The following SIM1 variants were observed in gnomAD, a reference collection of about 807,000 sequenced individuals.
The protein encoded by SIM1 is SIM bHLH transcription factor 1, also known as single-minded homolog 1.
In SIM1, 18 loss-of-function variants were observed where a neutral mutation model predicts 78.2. That is an observed-to-expected ratio of 0.23 (90% confidence interval 0.16 to 0.34). The LOEUF (loss-of-function observed/expected upper bound fraction) is 0.34. SIM1 is among the 10% of genes least tolerant of loss of function. The probability of loss-of-function intolerance (pLI) is 1.00; values close to 1 mark genes in which losing one functional copy is unlikely to be tolerated. For synonymous variants in SIM1, 417 were observed against 385.2 expected (o/e 1.08, Z -0.97); for missense variants, 939 against 975.1 (o/e 0.96, Z 0.49).
At chr6:100,440,142 T>TAG (rs1772170501) in intron 9 of SIM1, among the ~76,000 whole-genome samples, 1 of 152,236 alleles carries the variant, frequency 6.6e-6, no homozygotes, top group Non-Finnish European at 1.5e-5. Context: ...AGGCACCTGC[T>TAG]TTCTGTCAGA....
chr6:100,441,689 T>C lies in SIM1; in HGVS notation c.998+5579A>G, dbSNP rs983579922. Among the ~76,000 whole-genome samples the C allele has an allele frequency of 2.6e-5, 4 of 152,214 alleles. No individual in the cohort carries two copies. The South Asian group carries it at 8.3e-4, about 31-fold the overall frequency. ...ATTTTCTTCTTACAAAATGAAAATG[T>C]CCTTAGTGAAACTTATGGGGAAAAA... On this transcript the variant is annotated intron_variant, in intron 9 of 11. Coordinates refer to ENST00000369208, the MANE Select transcript of SIM1 (RefSeq NM_005068.3).
chr6:100,394,145 A>C, intron 10 of SIM1: 3 of 370,760 alleles, frequency 8.1e-6, no homozygotes, highest in Admixed American at 4.6e-5. Flanking sequence ...AATGGCAACC[A>C]TCGACTGAAG....
rs1562229579 is a variant in SIM1 at position 100,390,685 on chromosome 6, ACTT to A, written c.1974_1976del (p.Ser660del). 2 of 1,614,018 alleles carry A rather than the reference ACTT, an allele frequency of 1.2e-6. No individual in the cohort carries two copies. On this transcript the variant is annotated inframe_deletion, in exon 12 of 12. Transcript: ENST00000369208. ...TTGAAATGCGATCCGAATTGGGACT[ACTT>A]ATCCGAGATAGTGCGGTGGGACTGT...
rs1270106344 is a variant in SIM1 at position 100,387,939 on chromosome 6, A to G, written c.*2422T>C. Reference sequence around the variant, plus strand: ...ATTTGGTAGAATATATAGCCACCAGAAATACCCATCTGTGAAAATTACCTT... The same window carrying G: ...ATTTGGTAGAATATATAGCCACCAGGAATACCCATCTGTGAAAATTACCTT... On this transcript the variant is annotated 3_prime_UTR_variant, in exon 12 of 12. Coordinates refer to ENST00000369208, the MANE Select transcript of SIM1 (RefSeq NM_005068.3). The G allele has an allele frequency of 1.3e-5, 2 of 152,134 alleles. No individual in the cohort carries two copies. Among genetic ancestry groups the G allele is most frequent in the African/African-American group, 2.4e-5 (1 of 41,452 alleles). The allele number at this position is 152,134 out of a possible 1,614,324, so 9.4% of individuals were successfully genotyped here.
chr6:100,448,499 C>T lies in SIM1; in HGVS notation c.723G>A (p.Lys241=). 5.6e-6 allele frequency: 9 copies of T among 1,614,000 alleles called. No homozygotes were observed. The highest frequency in any genetic ancestry group is 6.8e-6 in the Non-Finnish European group (8 of 1,180,016). Residue 241 remains lysine (K), a synonymous_variant, in exon 7 of 12, where the codon AAG becomes AAA. Transcript: ENST00000369208. ...MFMFRASLDM[K]LIFLDSRVAE... The stretch of plus-strand genomic sequence containing the variant: ...CCCACCTGGAGTCCAGAAAGATGAG[C>T]TTCATGTCCAGGCTGGCGCGGAACA...
chr6:100,406,079 T>C (rs1771044108), intron 10 of SIM1, among the ~76,000 whole-genome samples: 1 of 152,362 alleles, frequency 6.6e-6, no homozygotes, highest in Middle Eastern at 3.4e-3. Flanking sequence ...CTTTATGTCA[T>C]GGCATCCACG....
chr6:100,447,120 G>T, intron 9 of SIM1, 148 bp downstream of exon 9: 1 of 768,406 alleles, frequency 1.3e-6, no homozygotes. Flanking sequence ...TGTTCGATCT[G>T]CCTCCTCTTG....
chr6:100,397,548 C>A (rs1770797883), intron 10 of SIM1, among the ~76,000 whole-genome samples: 1 of 151,782 alleles, frequency 6.6e-6, no homozygotes. Flanking sequence ...GACTTAAATG[C>A]AAAACCTAAG....
In SIM1 at chr6:100,388,117, A is replaced by G. The variant is rs1468804677; in HGVS notation, c.*2244T>C. 6.6e-6 allele frequency: 1 copy of G among 152,146 alleles called. No homozygotes were observed. The highest frequency in any genetic ancestry group is 1.5e-5 in the Non-Finnish European group (1 of 68,006). 9.4% of individuals were successfully genotyped at this position (152,146 alleles called of 1,614,324 possible). Reference sequence around the variant, plus strand: ...TGTATTCCAGGATTTCTCATAAATAATTTTCTCAAAATTACTAAATACTCT... The same window carrying G: ...TGTATTCCAGGATTTCTCATAAATAGTTTTCTCAAAATTACTAAATACTCT... On this transcript the variant is annotated 3_prime_UTR_variant, in exon 12 of 12. Transcript: ENST00000369208.
At chr6:100,444,938 C>G (rs1466236858) in intron 9 of SIM1, among the ~76,000 whole-genome samples, 1 of 152,080 alleles carries the variant, frequency 6.6e-6, no homozygotes, top group African/African-American at 2.4e-5. Flanking sequence ...AAACATCTGG[C>G]ATGTCAAACT....
At position 100,387,698 on chromosome 6, in the gene SIM1, G is replaced by A. The variant is rs1025096746; in HGVS notation, c.*2663C>T. 2 of 151,966 alleles carry A rather than the reference G, an allele frequency of 1.3e-5. No individual in the cohort carries two copies. The highest frequency in any genetic ancestry group is 2.9e-5 in the Non-Finnish European group (2 of 67,926). 9.4% of individuals were successfully genotyped at this position (151,966 alleles called of 1,614,324 possible). ...ATCAATATATAATTTAGTTAATTCT[G>A]TATTCTCTTAAAAATATTGGTCATG... On this transcript the variant is annotated 3_prime_UTR_variant, in exon 12 of 12. Coordinates refer to ENST00000369208, the MANE Select transcript of SIM1 (RefSeq NM_005068.3).
chr6:100,452,875 A>G (rs1265581152), intron 3 of SIM1, among the ~76,000 whole-genome samples: 2 of 152,122 alleles, frequency 1.3e-5, no homozygotes, highest in African/African-American at 4.8e-5. Flanking sequence ...GGAGAAAGGT[A>G]TAGGGTAGTG....
chr6:100,428,519 G>A (rs1026306380), intron 9 of SIM1, among the ~76,000 whole-genome samples: 3 of 152,052 alleles, frequency 2.0e-5, no homozygotes, highest in Non-Finnish European at 4.4e-5. Flanking sequence ...TTTCAAATTA[G>A]CAAAAAATTT....
rs145479047 is a variant in SIM1, at chr6:100,420,875, G to A, written c.1082C>T (p.Thr361Ile). ...CTTTCTGTTGTCAGTCATGGTGGGG[G>A]TGGAGCTGCTGGTATAGGAGAAGGC... ...KPAFSYTSSS[T>I]PTMTDNRKGA... Residue 361 changes from threonine to isoleucine, a missense_variant, in exon 10 of 12, where the codon ACC becomes ATC. By Grantham distance (89) the Thr-to-Ile change is moderately conservative (BLOSUM62 -1). Coordinates refer to ENST00000369208, the MANE Select transcript of SIM1 (RefSeq NM_005068.3). 9.0e-4 allele frequency: 1,445 copies of A among 1,614,070 alleles called. 14 individuals carry two copies. In the Admixed American group the frequency reaches 0.022, roughly 25 times the overall value.
At chr6:100,446,612 G>A (rs1365814052) in intron 9 of SIM1, among the ~76,000 whole-genome samples, 2 of 152,200 alleles carry the variant, frequency 1.3e-5, no homozygotes, top group Non-Finnish European at 2.9e-5. Flanking sequence ...TCAAATGCAG[G>A]CCTCTGCAGC....
At position 100,390,012 on chromosome 6, in the gene SIM1, T is replaced by C. The variant is rs550117148; in HGVS notation, c.*349A>G. ...CAGTTTGTAAGTAATAGTTTGTGTG[T>C]TTGAGGATCACTGGATAGTCACAAT... On this transcript the variant is annotated 3_prime_UTR_variant, in exon 12 of 12. Coordinates refer to ENST00000369208, the MANE Select transcript of SIM1 (RefSeq NM_005068.3). 3.0e-5 allele frequency: 12 copies of C among 395,432 alleles called. No individual in the cohort carries two copies. The highest frequency in any genetic ancestry group is 4.9e-5 in the Non-Finnish European group (11 of 223,082). The allele number at this position is 395,432 out of a possible 1,614,324, so 24.5% of individuals were successfully genotyped here.
At chr6:100,391,916 T>C (rs529308725) in intron 11 of SIM1, among the ~76,000 whole-genome samples, 64 of 152,324 alleles carry the variant, frequency 4.2e-4, no homozygotes, top group African/African-American at 1.4e-3. Context: ...CTCACACCTG[T>C]AATCCCAGCA....
At position 100,390,788 on chromosome 6, in the gene SIM1, G is replaced by A; in HGVS notation, c.1874C>T (p.Ala625Val). Residue 625 changes from alanine to valine, a missense_variant, in exon 12 of 12, where the codon GCC becomes GTC. This residue lies in a region of SIM1 where 556 missense variants were observed against 521.9 expected (regional missense o/e 1.07). Transcript: ENST00000369208. ...TGEVCHGSALANTSPCDHIQQ... is the reference protein window; with the variant it reads ...TGEVCHGSALVNTSPCDHIQQ... ...GATATGGTCACATGGTGAAGTGTTG[G>A]CAAGAGCAGAGCCATGGCAGACTTC... The A allele has an allele frequency of 6.2e-7, 1 of 1,614,124 alleles. No homozygotes were observed. The highest frequency in any genetic ancestry group is 8.5e-7 in the Non-Finnish European group (1 of 1,180,020).
intron 9 of SIM1, among the ~76,000 whole-genome samples, chr6:100,434,499 G>A (rs1362202195): frequency 6.6e-6 from 1 of 152,222 alleles, no homozygotes; most frequent in East Asian, 1.9e-4. Context: ...ACTGAAACAA[G>A]TGAAGCTCCT....
Sources: gnomAD v4.1 joint callset for allele counts (sites outside exome capture counted in the v4.1 genomes callset) on GRCh38, gnomAD v4.1.1 for gene constraint, gnomAD v4.1.1 regional missense constraint, MANE v1.5 for transcripts, NCBI Gene and HGNC (gene_info 2026-07-23, HGNC 2026-07-21) for gene names.